The following KDM5D variants were observed in gnomAD, a reference collection of about 807,000 sequenced individuals.
The protein encoded by KDM5D is lysine-specific demethylase 5D.
A neutral mutation model predicts 31.9 loss-of-function variants in KDM5D; 25 were observed. The ratio of observed to expected loss-of-function variants is 0.78; its 90% CI spans 0.57 to 1.09. The LOEUF is 1.09. Ranked by LOEUF, KDM5D falls within the 50% of genes least tolerant of loss-of-function variation. The pLI is 0.00. For synonymous variants in KDM5D, 146 were observed against 122.3 expected (o/e 1.19, Z -1.28); for missense variants, 366 against 341.6 (o/e 1.07, Z -0.56).
chrY:19,712,968 A>C, intron 18 of KDM5D, among the ~76,000 whole-genome samples: 3 of 34,308 alleles, frequency 8.7e-5, no homozygotes, highest in Non-Finnish European at 2.2e-4. Context: ...TTACAAAAAC[A>C]GACTCATAGA....
At chrY:19,736,874 T>C in intron 6 of KDM5D, among the ~76,000 whole-genome samples, 1 of 33,298 alleles carries the variant, frequency 3.0e-5, no homozygotes, top group Non-Finnish European at 7.4e-5. Flanking sequence ...ACCAAAAACC[T>C]ACCGGCATCC....
chrY:19,731,057 G>C, intron 11 of KDM5D, among the ~76,000 whole-genome samples: 1 of 33,594 alleles, frequency 3.0e-5, no homozygotes, highest in Non-Finnish European at 7.4e-5. Context: ...TATTTTTTCT[G>C]TCTGGATCAA....
At chrY:19,731,269 G>A in intron 11 of KDM5D, among the ~76,000 whole-genome samples, 3 of 33,403 alleles carry the variant, frequency 9.0e-5, no homozygotes, top group Admixed American at 5.4e-4. Flanking sequence ...AAATGTAAAT[G>A]TGATGAGTCA....
chrY:19,723,476 C>T, intron 11 of KDM5D: 1 of 87,876 alleles, frequency 1.1e-5, no homozygotes, highest in East Asian at 4.3e-4. Flanking sequence ...ATAATAGCTA[C>T]TAATGTAAAA....
chrY:19,739,779 T>C, intron 5 of KDM5D, 117 bp from the exon 6 acceptor site: 1 of 172,715 alleles, frequency 5.8e-6, no homozygotes, highest in Non-Finnish European at 1.0e-5. Context: ...ACAGGTCCAC[T>C]CCTCTTGTTC....
intron 11 of KDM5D, among the ~76,000 whole-genome samples, chrY:19,727,090 C>A (rs2045439602): frequency 3.0e-5 from 1 of 32,963 alleles, no homozygotes; most frequent in Non-Finnish European, 7.5e-5. Context: ...TAAGGAAAAT[C>A]CTCAGAGAAT....
intron 11 of KDM5D, among the ~76,000 whole-genome samples, chrY:19,725,651 G>T (rs2045426065): frequency 3.0e-5 from 1 of 33,372 alleles, no homozygotes. Flanking sequence ...AAGACTTCAT[G>T]TCTAAAACAC....
chrY:19,722,480 G>T, intron 11 of KDM5D: 1 of 33,251 alleles, frequency 3.0e-5, no homozygotes, highest in Non-Finnish European at 7.4e-5. Flanking sequence ...ATCTTGGCAA[G>T]AATTTTGTGG....
At chrY:19,716,858 G>A in intron 13 of KDM5D, 143 bp from the exon 14 acceptor site, 1 of 170,260 alleles carries the variant, frequency 5.9e-6, no homozygotes, top group Non-Finnish European at 1.0e-5. Context: ...AAAGAAAAAT[G>A]AGATTGTGAA....
chrY:19,709,282 G>A (rs2045275864), intron 20 of KDM5D, among the ~76,000 whole-genome samples, 169 bp downstream of exon 20: 1 of 33,434 alleles, frequency 3.0e-5, no homozygotes, highest in South Asian at 6.8e-4. Flanking sequence ...ACATCAACAT[G>A]ACATGTCATA....
chrY:19,739,537 T>C lies in KDM5D; in HGVS notation c.648A>G (p.Leu216=). 2 of 395,499 alleles carry C rather than the reference T, an allele frequency of 5.1e-6. No homozygotes were observed. The highest frequency in any genetic ancestry group is 7.1e-6 in the Non-Finnish European group (2 of 281,328). ...AGTAACAGTCACTCACATCAGGCTG[T>C]AGCCTTTTTGCCCGTCGACTGTAGC... The part of the protein sequence containing the change: ...FSSYSRRAKR[L]QPDPEPTEED... The change falls in exon 6 of 27, where the codon CTA becomes CTG. Residue 216 remains leucine (L), a synonymous_variant. Transcript: ENST00000317961.
chrY:19,733,185 G>C, intron 8 of KDM5D, among the ~76,000 whole-genome samples: 1 of 33,449 alleles, frequency 3.0e-5, no homozygotes. Flanking sequence ...AGTCACTCAA[G>C]TAGTATGTCA....
intron 11 of KDM5D, chrY:19,721,712 A>C: frequency 2.7e-5 from 1 of 37,434 alleles, no homozygotes; most frequent in Non-Finnish European, 6.3e-5. Flanking sequence ...TCAATATAAA[A>C]ATCAGTGGTG....
rs754579877 is a variant in KDM5D at position 19,724,492 on chromosome Y, A to T, written c.1372-3181T>A. On this transcript the variant is annotated intron_variant, in intron 11 of 26. Coordinates refer to ENST00000317961, the MANE Select transcript of KDM5D (RefSeq NM_004653.5). Reference sequence around the variant, plus strand: ...CATGATTATCTCAATAGATTCAGAAAAGGCCTTCAACAAAATTCAATAGTC... The same window carrying T: ...CATGATTATCTCAATAGATTCAGAATAGGCCTTCAACAAAATTCAATAGTC... 8.9e-5 allele frequency among the ~76,000 whole-genome samples: 3 copies of T among 33,598 alleles called. No individual in the cohort carries two copies. In the East Asian group the frequency reaches 2.4e-3, roughly 26 times the overall value. The allele number at this position is 33,598 out of a possible 37,273, so 90.1% of individuals were successfully genotyped here.
intron 11 of KDM5D, chrY:19,722,204 A>AAT (rs2045399277): frequency 3.0e-5 from 1 of 33,329 alleles, no homozygotes; most frequent in Non-Finnish European, 7.4e-5. Flanking sequence ...CATGGAAAAT[A>AAT]ATAGCCCAGA....
At chrY:19,733,828 A>G in intron 8 of KDM5D, among the ~76,000 whole-genome samples, 6 of 32,701 alleles carry the variant, frequency 1.8e-4, no homozygotes, top group Non-Finnish European at 1.5e-4. Context: ...GTGAGCTGAG[A>G]GCGCACCAGT....
chrY:19,706,282 G>A lies in KDM5D; in HGVS notation c.4333C>T (p.Arg1445Trp), dbSNP rs1367216953. The A allele has an allele frequency of 3.8e-5, 15 of 394,758 alleles. No individual in the cohort carries two copies. Among genetic ancestry groups the A allele is most frequent in the Non-Finnish European group, 4.3e-5 (12 of 281,693 alleles). ...TTTCTACCCTGATCCACCTTCTGCC[G>A]CCGCCGTCGCCTCTCCAGAGCCCGG... The part of the protein sequence containing the change: ...RSRALERRRR[R>W]QKVDQGRNVE... Residue 1445 changes from arginine (R) to tryptophan (W), a missense_variant, in exon 27 of 27, where the codon CGG becomes TGG. Physicochemically the swap from Arg to Trp is moderately radical, Grantham distance 101. Coordinates refer to ENST00000317961, the MANE Select transcript of KDM5D (RefSeq NM_004653.5).
Position 19,724,421 on chromosome Y carries a change from C to G in KDM5D, c.1372-3110G>C, listed in dbSNP as rs375584329. Among the ~76,000 whole-genome samples the G allele has an allele frequency of 2.7e-4, 9 of 33,453 alleles. No homozygotes were observed. In the East Asian group the frequency reaches 5.5e-3, roughly 20 times the overall value. The allele number at this position is 33,453 out of a possible 37,273, so 89.8% of individuals were successfully genotyped here. ...CAAGACTGGTTCAACATACACAAATCAATAAACACAATCCATCACGTAAGC... is the reference window on the plus strand; with the variant it reads ...CAAGACTGGTTCAACATACACAAATGAATAAACACAATCCATCACGTAAGC... On this transcript the variant is annotated intron_variant, in intron 11 of 26. Transcript: ENST00000317961.
chrY:19,713,409 G>T, intron 18 of KDM5D, among the ~76,000 whole-genome samples: 1 of 33,618 alleles, frequency 3.0e-5, no homozygotes, highest in Non-Finnish European at 7.4e-5. Flanking sequence ...TCTGACAAGG[G>T]TCTAATATCC....
Sources: gnomAD v4.1 joint callset for allele counts (sites outside exome capture counted in the v4.1 genomes callset) on GRCh38, gnomAD v4.1.1 for gene constraint, MANE v1.5 for transcripts, NCBI Gene and HGNC (gene_info 2026-07-23, HGNC 2026-07-21) for gene names.